Variants in GABRG3 observed in about 807,000 individuals in gnomAD.
GABRG3 encodes the protein gamma-aminobutyric acid receptor subunit gamma-3.
In GABRG3, 25 loss-of-function variants were observed where a neutral mutation model predicts 48.8. That is an observed-to-expected ratio of 0.51 (90% CI 0.37 to 0.72). The LOEUF (loss-of-function observed/expected upper bound fraction) is 0.72. GABRG3 is among the 30% of genes least tolerant of loss of function. The pLI is 0.00. For missense variants in GABRG3, 394 were observed against 577.9 expected (o/e 0.68, Z 3.26); for synonymous variants, 227 against 217.6 (o/e 1.04, Z -0.38).
At chr15:27,310,576 C>T (rs538261242) in intron 3 of GABRG3, among the ~76,000 whole-genome samples, 12 of 152,260 alleles carry the variant, frequency 7.9e-5, no homozygotes, top group African/African-American at 2.6e-4. Context: ...GTCAATGCAA[C>T]TCCTTATCAG....
intron 5 of GABRG3, among the ~76,000 whole-genome samples, chr15:27,374,877 A>G (rs1895540730): frequency 6.6e-6 from 1 of 152,206 alleles, no homozygotes; most frequent in African/African-American, 2.4e-5. Flanking sequence ...GGCTTGATGA[A>G]CATCAACTGA....
intron 6 of GABRG3, among the ~76,000 whole-genome samples, chr15:27,519,655 A>G (rs1891111681): frequency 6.6e-6 from 1 of 152,184 alleles, no homozygotes; most frequent in Non-Finnish European, 1.5e-5. Flanking sequence ...TGTACAACCT[A>G]TGGAAGGACT....
intron 5 of GABRG3, among the ~76,000 whole-genome samples, chr15:27,441,108 A>C (rs927149125): frequency 6.6e-6 from 1 of 152,226 alleles, no homozygotes; most frequent in Non-Finnish European, 1.5e-5. Context: ...AAATTATTAT[A>C]CAAAGGTACA....
rs546981891 is a variant in GABRG3 at position 27,244,400 on chromosome 15, C to G, written c.271-82409C>G. 2.6e-5 allele frequency among the ~76,000 whole-genome samples: 4 copies of G among 152,208 alleles called. No individual in the cohort carries two copies. The South Asian group carries it at 8.3e-4, about 32-fold the overall frequency. ...CTGGTGAGCATGCTGGGAGCATCTC[C>G]CCCAGGAGGTGCTGAGGTTCAGGAC... is the stretch of plus-strand genomic sequence containing the variant. On this transcript the variant is annotated intron_variant, in intron 3 of 9. Coordinates refer to ENST00000615808, the MANE Select transcript of GABRG3 (RefSeq NM_033223.5).
At chr15:27,209,850 C>T (rs938640907) in intron 3 of GABRG3, among the ~76,000 whole-genome samples, 2 of 152,218 alleles carry the variant, frequency 1.3e-5, no homozygotes, top group Non-Finnish European at 2.9e-5. Context: ...TCTGAGACCT[C>T]TCTCCTTGGC....
intron 5 of GABRG3, among the ~76,000 whole-genome samples, chr15:27,467,531 C>T (rs1229526103): frequency 6.6e-6 from 1 of 152,236 alleles, no homozygotes; most frequent in East Asian, 1.9e-4. Flanking sequence ...AGGACAGAGT[C>T]TGAATCCAGG....
At chr15:27,235,399 C>G (rs1259544874) in intron 3 of GABRG3, among the ~76,000 whole-genome samples, 1 of 152,180 alleles carries the variant, frequency 6.6e-6, no homozygotes, top group Non-Finnish European at 1.5e-5. Flanking sequence ...CCAGGGTTAT[C>G]TCTCAGTGAC....
chr15:27,080,131 G>A (rs1896968790), intron 3 of GABRG3, among the ~76,000 whole-genome samples: 1 of 152,046 alleles, frequency 6.6e-6, no homozygotes, highest in Admixed American at 6.5e-5. Flanking sequence ...AACCATTTCT[G>A]TAGCAAGGGG....
rs1896412491 is a variant in GABRG3, at chr15:27,049,098, C to T, written c.270+22277C>T. On this transcript the variant is annotated intron_variant, in intron 3 of 9. Coordinates refer to ENST00000615808, the MANE Select transcript of GABRG3 (RefSeq NM_033223.5). Reference sequence around the variant, plus strand: ...CAGGAAGTGCTGAGCTGCCTTTGGGCAGGGTGGCTGCATGAGCATGCATCT... The same window carrying T: ...CAGGAAGTGCTGAGCTGCCTTTGGGTAGGGTGGCTGCATGAGCATGCATCT... Among the ~76,000 whole-genome samples the T allele has an allele frequency of 2.0e-5, 3 of 152,210 alleles. No individual in the cohort carries two copies. In the South Asian group the frequency reaches 6.2e-4, roughly 32 times the overall value.
rs149062819 is a variant in GABRG3 at position 27,486,667 on chromosome 15, CCA to C, written c.712+5881_712+5882del. ...TGTGACCTTGGGCAATTCCTCTGAC[CCA>C]TCCACGCACTCCTCTCATAAGTGAG... On this transcript the variant is annotated intron_variant, in intron 6 of 9. Coordinates refer to ENST00000615808, the MANE Select transcript of GABRG3 (RefSeq NM_033223.5). Among the ~76,000 whole-genome samples, 671 of 152,228 alleles carry C rather than the reference CCA, an allele frequency of 4.4e-3. 2 individuals carry two copies. The highest frequency in any genetic ancestry group is 6.5e-3 in the Non-Finnish European group (439 of 68,032).
At chr15:27,527,088 T>G (rs893557416) in intron 7 of GABRG3, among the ~76,000 whole-genome samples, 26 of 152,090 alleles carry the variant, frequency 1.7e-4, no homozygotes, top group African/African-American at 6.3e-4. Flanking sequence ...AGGATTTAGC[T>G]GGGCAGAAAT....
intron 3 of GABRG3, among the ~76,000 whole-genome samples, chr15:27,216,376 C>T (rs907771244): frequency 1.4e-4 from 22 of 152,298 alleles, no homozygotes; most frequent in African/African-American, 5.3e-4. Context: ...GCAGCTAGCT[C>T]AGCCCAGCAC....
rs994862408 is a variant in GABRG3 at position 27,531,256 on chromosome 15, G to A, written c.1123-1344G>A. ...TTTAGGTCTGTCCTCACACACAGAT[G>A]CTTCGCATTTACAAGAACGCACCAA... On this transcript the variant is annotated intron_variant, in intron 9 of 9. Transcript: ENST00000615808. 1.3e-4 allele frequency among the ~76,000 whole-genome samples: 20 copies of A among 152,282 alleles called. No homozygotes were observed. In the South Asian group the frequency reaches 4.1e-3, roughly 32 times the overall value.
intron 3 of GABRG3, among the ~76,000 whole-genome samples, chr15:27,090,339 TA>T (rs1162851700): frequency 6.6e-6 from 1 of 152,242 alleles, no homozygotes; most frequent in Non-Finnish European, 1.5e-5. Flanking sequence ...TTACTTAAAG[TA>T]TTTTCAGCAT....
At chr15:27,115,926 G>A (rs1381076320) in intron 3 of GABRG3, among the ~76,000 whole-genome samples, 3 of 152,276 alleles carry the variant, frequency 2.0e-5, no homozygotes, top group East Asian at 1.9e-4. Flanking sequence ...ACACTGTTAC[G>A]GTAGGAAAAT....
intron 3 of GABRG3, among the ~76,000 whole-genome samples, chr15:27,172,379 C>T (rs1391285563): frequency 6.6e-6 from 1 of 152,064 alleles, no homozygotes; most frequent in East Asian, 1.9e-4. Context: ...TCTAGAGTTC[C>T]TCTGGGGATT....
At chr15:27,244,743 A>G (rs908680706) in intron 3 of GABRG3, among the ~76,000 whole-genome samples, 4 of 152,178 alleles carry the variant, frequency 2.6e-5, no homozygotes, top group Admixed American at 2.6e-4. Context: ...TGATTGTGCC[A>G]CTGCCCTCCA....
intron 3 of GABRG3, chr15:27,158,390 C>G (rs893274300): frequency 4.6e-5 from 7 of 152,132 alleles, no homozygotes; most frequent in Non-Finnish European, 5.9e-5. Flanking sequence ...CCATACTGAT[C>G]CTGTACCTAA....
rs933367866 is a variant in GABRG3, at chr15:27,124,278, G to A, written c.270+97457G>A. Among the ~76,000 whole-genome samples the A allele has an allele frequency of 3.9e-5, 6 of 152,250 alleles. No homozygotes were observed. The East Asian group carries it at 5.8e-4, about 15-fold the overall frequency. On this transcript the variant is annotated intron_variant, in intron 3 of 9. Transcript: ENST00000615808. ...TGGAACAACAGTGGTAAGAAATTCC[G>A]TTTACCACATTGTATCTAGTTCTGC... is the stretch of plus-strand genomic sequence containing the variant.
Sources: allele counts gnomAD v4.1 joint callset (sites outside exome capture counted in the v4.1 genomes callset), GRCh38; gene constraint gnomAD v4.1.1; transcripts MANE v1.5; gene names NCBI Gene and HGNC (gene_info 2026-07-23, HGNC 2026-07-21).